The following MICAL3 variants were observed in gnomAD, a reference collection of about 807,000 sequenced individuals.
MICAL3 encodes the protein [F-actin]-monooxygenase MICAL3.
In MICAL3, 62 loss-of-function variants were observed where a neutral mutation model predicts 207.4. The observed-to-expected ratio is 0.30, with a 90% CI of 0.24 to 0.37. The LOEUF (loss-of-function observed/expected upper bound fraction) is 0.37, where lower values mean the gene tolerates loss of function less well. Among genes scored for constraint, MICAL3 ranks in the 10% least tolerant of loss-of-function variants. The probability of loss-of-function intolerance (pLI) is 1.00; values close to 1 mark genes in which losing one functional copy is unlikely to be tolerated. For missense variants in MICAL3, 2,368 were observed against 2,635.6 expected, an observed-to-expected ratio of 0.90 and a Z score of 2.22; for synonymous variants, 1,077 against 1,069.3, an observed-to-expected ratio of 1.01 and a Z score of -0.14.
rs1426170466 is a variant in MICAL3, at chr22:17,817,751, G to A, written c.4910C>T (p.Ser1637Leu). Residue 1637 changes from serine (S) to leucine (L), a missense_variant, in exon 26 of 32, where the codon TCA becomes TTA. Around this residue, in one of 4 missense-constraint regions of MICAL3, gnomAD observed 1,770 missense variants for 1,863.2 expected, o/e 0.95. Transcript: ENST00000441493. ...GCGCTCCTTGCCCTGGGAGGGTGCT[G>A]AGGACGCCTTGCGGGGCCTGGGGGC... is the stretch of plus-strand genomic sequence containing the variant. ...SGAPRPRKAS[S>L]APSQGKERRP... 6.3e-7 allele frequency: 1 copy of A among 1,591,906 alleles called. No individual in the cohort carries two copies. Among genetic ancestry groups the A allele is most frequent in the Non-Finnish European group, 8.6e-7 (1 of 1,169,586 alleles).
intron 16 of MICAL3, chr22:17,879,204 G>A (rs1292174732): frequency 1.6e-6 from 1 of 621,848 alleles, no homozygotes; most frequent in East Asian, 2.9e-5. Context: ...AAAGAATTCT[G>A]GCTCTTGGCT....
chr22:17,987,526 C>A (rs758841704), intron 1 of MICAL3, among the ~76,000 whole-genome samples: 1 of 152,218 alleles, frequency 6.6e-6, no homozygotes, highest in Non-Finnish European at 1.5e-5. Context: ...GCCTAGCATG[C>A]GTGCTGGGGA....
At position 17,900,689 on chromosome 22, in the gene MICAL3, C is replaced by T. The variant is rs868719719; in HGVS notation, c.847+153G>A. Among the ~76,000 whole-genome samples the T allele has an allele frequency of 3.3e-5, 5 of 152,246 alleles. No homozygotes were observed. In the East Asian group the frequency reaches 5.8e-4, roughly 18 times the overall value. On this transcript the variant is annotated intron_variant, in intron 6 of 31. Transcript: ENST00000441493. The surrounding 1 kb of genome is among the most constrained non-coding windows in gnomAD (Gnocchi z 4.0). ...GAGACAAGTTCTGCAGGAAGCAATGCGCTAGGAAGAAGGAACAGGAGTGAA... is the reference window on the plus strand; with the variant it reads ...GAGACAAGTTCTGCAGGAAGCAATGTGCTAGGAAGAAGGAACAGGAGTGAA...
chr22:17,860,177 T>C (rs576890641), intron 19 of MICAL3: 1 of 976,276 alleles, frequency 1.0e-6, no homozygotes, highest in South Asian at 4.7e-5. Context: ...TTGGAATTTA[T>C]TCTCTTAAAT....
intron 16 of MICAL3, chr22:17,875,368 G>T: frequency 1.2e-6 from 1 of 837,520 alleles, no homozygotes; most frequent in Non-Finnish European, 1.8e-6. Flanking sequence ...GCAGCCTCCT[G>T]GGGTACATGA....
At chr22:17,880,786 G>A (rs1012863465) in intron 16 of MICAL3, among the ~76,000 whole-genome samples, 1 of 152,200 alleles carries the variant, frequency 6.6e-6, no homozygotes, top group African/African-American at 2.4e-5. Context: ...CCCAGAATCA[G>A]AAGGAACGAA....
rs903136061 is a variant in MICAL3 at position 17,886,275 on chromosome 22, G to A, written c.2068-224C>T. Among the ~76,000 whole-genome samples the A allele has an allele frequency of 1.3e-4, 20 of 152,312 alleles. No individual in the cohort carries two copies. The South Asian group carries it at 1.5e-3, about 11-fold the overall frequency. ...CACATTCCAGGAAGCCACTGCCCTC[G>A]AACACATGTATGAACCAAAGAGACA... On this transcript the variant is annotated intron_variant, in intron 15 of 31. Transcript: ENST00000441493.
At chr22:17,945,609 C>G (rs893105781) in intron 1 of MICAL3, among the ~76,000 whole-genome samples, 1 of 152,188 alleles carries the variant, frequency 6.6e-6, no homozygotes, top group African/African-American at 2.4e-5. Flanking sequence ...AGGGGTAACA[C>G]GCGCCCTACT....
At chr22:17,899,251 C>T in intron 7 of MICAL3, 197 bp downstream of exon 7, 1 of 661,304 alleles carries the variant, frequency 1.5e-6, no homozygotes, top group South Asian at 1.6e-5. Context: ...CTATTCTCCC[C>T]CCGTTTTTAT....
At chr22:17,958,998 G>A (rs1386336147) in intron 1 of MICAL3, among the ~76,000 whole-genome samples, 4 of 145,122 alleles carry the variant, frequency 2.8e-5, no homozygotes, top group East Asian at 2.1e-4. Flanking sequence ...AAGCCACTGC[G>A]CCGGGCCTGG....
intron 1 of MICAL3, chr22:18,005,624 A>G (rs1602391965): frequency 6.6e-6 from 1 of 152,200 alleles, no homozygotes; most frequent in Admixed American, 6.5e-5. Flanking sequence ...GGACTTCTTT[A>G]TACTGGTTTG....
At chr22:17,882,709 C>G (rs1377871330) in intron 16 of MICAL3, among the ~76,000 whole-genome samples, 2 of 152,224 alleles carry the variant, frequency 1.3e-5, no homozygotes, top group Non-Finnish European at 2.9e-5. Flanking sequence ...TCCCCTGTAC[C>G]AAAGAACCTA....
intron 1 of MICAL3, among the ~76,000 whole-genome samples, chr22:17,951,042 A>G (rs868223251): frequency 4.6e-5 from 7 of 152,188 alleles, no homozygotes; most frequent in Admixed American, 3.3e-4. Context: ...AGAAGGGCCA[A>G]AGCACTGCTC....
At chr22:17,816,580 C>A in intron 27 of MICAL3, 110 bp downstream of exon 27, 1 of 844,446 alleles carries the variant, frequency 1.2e-6, no homozygotes. Flanking sequence ...GCGCCACTAG[C>A]TGTCCATCCC....
chr22:17,903,727 A>G (rs1251396632), intron 3 of MICAL3, among the ~76,000 whole-genome samples: 1 of 152,202 alleles, frequency 6.6e-6, no homozygotes, highest in Non-Finnish European at 1.5e-5. Context: ...GCAGATGGGC[A>G]GAGGGCTTCC....
At chr22:17,904,575 C>T (rs1339858699) in intron 3 of MICAL3, 57 bp downstream of exon 3, 5 of 1,320,030 alleles carry the variant, frequency 3.8e-6, no homozygotes, top group East Asian at 2.3e-5. Flanking sequence ...TCTCTTTCTA[C>T]TGAACAAGCG....
chr22:18,001,951 A>G (rs1426251276), intron 1 of MICAL3, among the ~76,000 whole-genome samples: 2 of 152,076 alleles, frequency 1.3e-5, no homozygotes. Context: ...TAATCCCAAC[A>G]CTTTGGGGAG....
chr22:17,905,184 C>T (rs1931626701), intron 2 of MICAL3, among the ~76,000 whole-genome samples: 1 of 152,206 alleles, frequency 6.6e-6, no homozygotes, highest in South Asian at 2.1e-4. Flanking sequence ...CTTACATCAA[C>T]AGGAGAGGAC....
intron 16 of MICAL3, among the ~76,000 whole-genome samples, chr22:17,877,122 G>C (rs1050863568): frequency 7.9e-4 from 89 of 112,586 alleles, no homozygotes; most frequent in Middle Eastern, 9.3e-3. Flanking sequence ...GGTTAGGGAG[G>C]TTATGGAGGT....
Sources: allele counts gnomAD v4.1 joint callset (sites outside exome capture counted in the v4.1 genomes callset), GRCh38; gene constraint gnomAD v4.1.1; regional missense constraint gnomAD v4.1.1; non-coding constraint Gnocchi (gnomAD v3.1); transcripts MANE v1.5; gene names NCBI Gene and HGNC (gene_info 2026-07-23, HGNC 2026-07-21).